KYAT3: variants seen among roughly 807,000 people sequenced by gnomAD.
KYAT3 encodes kynurenine--oxoglutarate transaminase 3.
Under a neutral mutation model 59.0 loss-of-function variants are expected in KYAT3, and 50 were observed. The observed-to-expected ratio is 0.85, with a 90% CI of 0.68 to 1.07. KYAT3 has a LOEUF of 1.07. Ranked by LOEUF, KYAT3 falls within the 50% of genes least tolerant of loss-of-function variation. The pLI, the probability that KYAT3 is intolerant of heterozygous loss-of-function variation, is 0.00. For missense variants in KYAT3, 497 were observed against 533.3 expected (o/e 0.93, Z 0.67); for synonymous variants, 148 against 177.0 (o/e 0.84, Z 1.30).
chr1:88,973,382 G>A (rs1165754123), intron 2 of KYAT3, among the ~76,000 whole-genome samples: 5 of 152,214 alleles, frequency 3.3e-5, no homozygotes, highest in Non-Finnish European at 7.3e-5. Flanking sequence ...ACTATACAAT[G>A]TTCGGAGTCA....
intron 2 of KYAT3, chr1:88,980,384 A>C (rs1248150608): frequency 2.0e-5 from 3 of 152,470 alleles, no homozygotes; most frequent in African/African-American, 7.2e-5. Context: ...GCACCCGCCC[A>C]AGCAAGCCAA....
In KYAT3 at chr1:88,943,339, A is replaced by G. The variant is rs1157246418; in HGVS notation, c.1215+11T>C. Reference sequence around the variant, plus strand: ...ATATAACAGAATCTTGCAAAGAACAATAAACATTACCTTATGTTTAGTCAT... The same window carrying G: ...ATATAACAGAATCTTGCAAAGAACAGTAAACATTACCTTATGTTTAGTCAT... On this transcript the variant is annotated intron_variant, in intron 12 of 13. Coordinates refer to ENST00000260508, the MANE Select transcript of KYAT3 (RefSeq NM_001008661.3). The G allele has an allele frequency of 4.2e-6, 6 of 1,431,694 alleles. No homozygotes were observed. The South Asian group carries it at 4.8e-5, about 12-fold the overall frequency. The allele number at this position is 1,431,694 out of a possible 1,614,324, so 88.7% of individuals were successfully genotyped here.
At chr1:88,961,677 A>T (rs1032934226) in intron 6 of KYAT3, among the ~76,000 whole-genome samples, 171 bp from the exon 7 acceptor site, 3 of 152,246 alleles carry the variant, frequency 2.0e-5, no homozygotes, top group African/African-American at 7.2e-5. Flanking sequence ...AACTAGAAAA[A>T]GACTAACAAA....
chr1:88,936,005 A>T lies in KYAT3; in HGVS notation c.*178T>A. On this transcript the variant is annotated 3_prime_UTR_variant, in exon 14 of 14. Coordinates refer to ENST00000260508, the MANE Select transcript of KYAT3 (RefSeq NM_001008661.3). ...GTGTTAATACATTTCAACTGGAAAA[A>T]AAAGGTCAGATCCCCCGAAAATGTT... is the stretch of plus-strand genomic sequence containing the variant. The T allele has an allele frequency of 2.0e-6, 1 of 508,306 alleles. No homozygotes were observed. Among genetic ancestry groups the T allele is most frequent in the Non-Finnish European group, 3.6e-6 (1 of 281,652 alleles). The allele number at this position is 508,306 out of a possible 1,614,324, so 31.5% of individuals were successfully genotyped here.
chr1:88,954,587 A>ATTAG (rs1570790767), intron 9 of KYAT3, among the ~76,000 whole-genome samples: 1 of 152,236 alleles, frequency 6.6e-6, no homozygotes, highest in Non-Finnish European at 1.5e-5. Flanking sequence ...AAAAGGTGTC[A>ATTAG]TTAGTTGATC....
intron 2 of KYAT3, chr1:88,982,073 T>C (rs1677118619): frequency 1.8e-5 from 18 of 985,874 alleles, no homozygotes; most frequent in Non-Finnish European, 1.8e-5. Flanking sequence ...CCCAAGGAAA[T>C]GTCAGAAAGG....
At chr1:88,988,550 C>T (rs1040534127) in intron 1 of KYAT3, among the ~76,000 whole-genome samples, 199 bp from the exon 2 acceptor site, 5 of 152,164 alleles carry the variant, frequency 3.3e-5, no homozygotes, top group African/African-American at 1.2e-4. Flanking sequence ...TAAATGTATT[C>T]TTCCTACACA....
chr1:88,934,631 C>G (rs1203755681), downstream of KYAT3, among the ~76,000 whole-genome samples: 3 of 152,158 alleles, frequency 2.0e-5, no homozygotes, highest in African/African-American at 7.2e-5. Context: ...GGGTTGAGTT[C>G]TTTCTTTTTG....
At chr1:88,963,225 G>C (rs1010498986) in intron 5 of KYAT3, among the ~76,000 whole-genome samples, 2 of 151,970 alleles carry the variant, frequency 1.3e-5, no homozygotes. Context: ...AGTTGATGAA[G>C]GAAGAAAGAA....
chr1:88,967,931 C>T (rs1402476891), intron 4 of KYAT3, among the ~76,000 whole-genome samples: 1 of 151,988 alleles, frequency 6.6e-6, no homozygotes, highest in Non-Finnish European at 1.5e-5. Context: ...TTGAGTAGGT[C>T]TGAGATGGGG....
chr1:88,969,770 C>A (rs541934970), intron 2 of KYAT3, among the ~76,000 whole-genome samples: 1 of 152,020 alleles, frequency 6.6e-6, no homozygotes, highest in African/African-American at 2.4e-5. Flanking sequence ...GTCTCCTGAG[C>A]AGGTGGGACT....
intron 4 of KYAT3, among the ~76,000 whole-genome samples, chr1:88,965,692 T>C (rs1676321732): frequency 6.6e-6 from 1 of 152,120 alleles, no homozygotes; most frequent in African/African-American, 2.4e-5. Context: ...TTCCCCCTCC[T>C]TGTTTTATTT....
chr1:88,928,658 G>A, the KYAT3 span, among the ~76,000 whole-genome samples: 12 of 152,102 alleles, frequency 7.9e-5, no homozygotes, highest in Admixed American at 6.5e-4. Context: ...CAGGACTGAG[G>A]GTGCCCGGGG....
chr1:88,958,539 T>TA (rs1395232806), intron 8 of KYAT3, among the ~76,000 whole-genome samples: 11 of 152,206 alleles, frequency 7.2e-5, no homozygotes, highest in East Asian at 1.9e-4. Context: ...TGCAGAATTT[T>TA]AAAAAATCAA....
chr1:88,961,055 C>T, intron 8 of KYAT3, 112 bp downstream of exon 8: 1 of 991,564 alleles, frequency 1.0e-6, no homozygotes, highest in African/African-American at 1.6e-5. Context: ...TTCATACAGA[C>T]AGATACCCAT....
At chr1:88,948,093 AACAAAACAAAAC>A (rs1205012938) in intron 11 of KYAT3, among the ~76,000 whole-genome samples, 3 of 66,758 alleles carry the variant, frequency 4.5e-5, no homozygotes, top group Non-Finnish European at 1.4e-4. Context: ...CCCTGCCTCA[AACAAAACAAAAC>A]AAAACAAAAC....
chr1:88,974,250 G>T lies in KYAT3; in HGVS notation c.100-4783C>A, dbSNP rs7514608. Among the ~76,000 whole-genome samples, 142 of 152,206 alleles carry T rather than the reference G, an allele frequency of 9.3e-4. 1 individual carries two copies. Among genetic ancestry groups the T allele is most frequent in the African/African-American group, 3.2e-3 (133 of 41,526 alleles). On this transcript the variant is annotated intron_variant, in intron 2 of 13. Coordinates refer to ENST00000260508, the MANE Select transcript of KYAT3 (RefSeq NM_001008661.3). ...TAGATCTATGAAGTGGGGATTTGTA[G>T]TTGCAATCATGTGTCATTTAAAAAT...
chr1:88,948,091 C>CAAACAAAACAAAACAAAACAAAACA (rs58858903), intron 11 of KYAT3, among the ~76,000 whole-genome samples: 9 of 146,032 alleles, frequency 6.2e-5, no homozygotes, highest in Non-Finnish European at 1.2e-4. Flanking sequence ...GACCCTGCCT[C>CAAACAAAACAAAACAAAACAAAACA]AAACAAAACA....
downstream of KYAT3, among the ~76,000 whole-genome samples, chr1:88,933,903 C>T (rs1220239649): frequency 6.6e-6 from 1 of 152,186 alleles, no homozygotes; most frequent in Non-Finnish European, 1.5e-5. Context: ...CCTTACTCTA[C>T]TGCCACCCCT....
Sources: gnomAD v4.1 joint callset for allele counts (sites outside exome capture counted in the v4.1 genomes callset) on GRCh38, gnomAD v4.1.1 for gene constraint, MANE v1.5 for transcripts, NCBI Gene and HGNC (gene_info 2026-07-23, HGNC 2026-07-21) for gene names.